The following OSBP2 variants were observed in gnomAD, a reference collection of about 807,000 sequenced individuals.
OSBP2 encodes the protein oxysterol-binding protein 2.
Under a neutral mutation model 96.0 loss-of-function variants are expected in OSBP2, and 66 were observed. The observed-to-expected ratio is 0.69, with a 90% confidence interval of 0.56 to 0.84. The LOEUF is 0.84. Ranked by LOEUF, OSBP2 falls within the 40% of genes least tolerant of loss-of-function variation. The pLI is 0.00. For synonymous variants in OSBP2, 525 were observed against 520.9 expected (o/e 1.01, Z -0.11); for missense variants, 1,038 against 1,222.7 (o/e 0.85, Z 2.25).
At chr22:30,840,315 A>C (rs2038724665) in intron 2 of OSBP2, among the ~76,000 whole-genome samples, 1 of 151,110 alleles carries the variant, frequency 6.6e-6, no homozygotes, top group Non-Finnish European at 1.5e-5. Flanking sequence ...TAAAAAAAAA[A>C]AGAAAAAGGA....
intron 2 of OSBP2, among the ~76,000 whole-genome samples, chr22:30,834,572 G>T (rs1206919067): frequency 6.6e-6 from 1 of 152,098 alleles, no homozygotes; most frequent in East Asian, 1.9e-4. Flanking sequence ...TTATTTCATG[G>T]TGGTTTTGTT....
intron 2 of OSBP2, among the ~76,000 whole-genome samples, chr22:30,782,876 A>G (rs925601149): frequency 1.3e-5 from 2 of 152,192 alleles, no homozygotes; most frequent in Non-Finnish European, 2.9e-5. Flanking sequence ...TGACATTCCC[A>G]TAAGCAGTGT....
Position 30,695,169 on chromosome 22 carries a change from C to A in OSBP2, c.260C>A (p.Thr87Lys), listed in dbSNP as rs765817634. 6.2e-7 allele frequency: 1 copy of A among 1,611,448 alleles called. No individual in the cohort carries two copies. The highest frequency in any genetic ancestry group is 1.1e-5 in the South Asian group (1 of 90,798). The change falls in exon 1 of 14, where the codon ACG becomes AAG. Residue 87 changes from threonine (T) to lysine (K), a missense_variant. By Grantham distance (78) the Thr-to-Lys change is moderately conservative (BLOSUM62 -1). Transcript: ENST00000332585. ...VPRSEPVSETTSEPEPGAGQP... is the reference protein window; with the variant it reads ...VPRSEPVSETKSEPEPGAGQP... ...AGATCGGAACCTGTGTCCGAGACGA[C>A]GTCTGAGCCGGAGCCAGGGGCTGGG...
chr22:30,711,660 A>C (rs574586059), intron 1 of OSBP2, among the ~76,000 whole-genome samples: 1 of 150,404 alleles, frequency 6.6e-6, no homozygotes, highest in African/African-American at 2.4e-5. Context: ...GGGTCACTCG[A>C]GCCTGGGAGG....
chr22:30,752,615 C>T (rs147325488), intron 2 of OSBP2, among the ~76,000 whole-genome samples: 1 of 151,882 alleles, frequency 6.6e-6, no homozygotes, highest in Admixed American at 6.6e-5. Flanking sequence ...GCAGATGAAG[C>T]CTCCAAGTAG....
chr22:30,764,187 A>T lies in OSBP2; in HGVS notation c.853+22818A>T, dbSNP rs926564030. ...GGCTCGCCTACCCTCCATTGATGTC[A>T]TAACTCTATTCTGATATCACAGCCC... On this transcript the variant is annotated intron_variant, in intron 2 of 13. Coordinates refer to ENST00000332585, the MANE Select transcript of OSBP2 (RefSeq NM_030758.4). 5.2e-6 allele frequency: 5 copies of T among 969,840 alleles called. No homozygotes were observed. The African/African-American group carries it at 8.8e-5, about 17-fold the overall frequency. 60.1% of individuals were successfully genotyped at this position (969,840 alleles called of 1,614,324 possible).
intron 2 of OSBP2, among the ~76,000 whole-genome samples, chr22:30,832,583 C>CA (rs1475997615): frequency 6.6e-6 from 1 of 152,168 alleles, no homozygotes; most frequent in Non-Finnish European, 1.5e-5. Flanking sequence ...TTGTATTGTG[C>CA]AAAGCAGGTA....
chr22:30,822,460 T>A, intron 2 of OSBP2: 4 of 1,247,972 alleles, frequency 3.2e-6, no homozygotes, highest in Non-Finnish European at 4.1e-6. Context: ...AACGCGCTCA[T>A]GTACCGGGTG....
chr22:30,783,975 G>C (rs553125422), intron 2 of OSBP2, among the ~76,000 whole-genome samples: 1 of 152,202 alleles, frequency 6.6e-6, no homozygotes, highest in Middle Eastern at 3.2e-3. Context: ...TGTATCTGCA[G>C]AATGATTGTT....
chr22:30,817,356 T>A (rs928323025), intron 2 of OSBP2, among the ~76,000 whole-genome samples: 2 of 152,162 alleles, frequency 1.3e-5, no homozygotes, highest in Non-Finnish European at 2.9e-5. Flanking sequence ...CAGCCCCTCA[T>A]TAGTGATGAG....
At position 30,767,313 on chromosome 22, in the gene OSBP2, T is replaced by TA. The variant is rs550206119; in HGVS notation, c.853+25956dup. On this transcript the variant is annotated intron_variant, in intron 2 of 13. Coordinates refer to ENST00000332585, the MANE Select transcript of OSBP2 (RefSeq NM_030758.4). The stretch of plus-strand genomic sequence containing the variant: ...CAACAGAGCAAGACTTTCTCTCTCT[T>TA]AAAAAAAAAAAATGTTGTTATACAA... Among the ~76,000 whole-genome samples the TA allele has an allele frequency of 2.0e-3, 288 of 143,478 alleles. 2 individuals are homozygous for TA. The highest frequency in any genetic ancestry group is 4.6e-3 in the African/African-American group (180 of 39,252). The allele number at this position is 143,478 out of a possible 152,430, so 94.1% of individuals were successfully genotyped here.
intron 2 of OSBP2, among the ~76,000 whole-genome samples, chr22:30,769,626 G>T (rs566799187): frequency 6.6e-6 from 1 of 152,068 alleles, no homozygotes; most frequent in Non-Finnish European, 1.5e-5. Flanking sequence ...TCCAGCCTGG[G>T]AAACAGAGAG....
At chr22:30,777,616 T>A (rs1489213883) in intron 2 of OSBP2, among the ~76,000 whole-genome samples, 1 of 152,210 alleles carries the variant, frequency 6.6e-6, no homozygotes, top group Non-Finnish European at 1.5e-5. Context: ...CTGGTCACAC[T>A]GGACTGAGGG....
chr22:30,810,782 TC>T, intron 2 of OSBP2, among the ~76,000 whole-genome samples: 1 of 152,182 alleles, frequency 6.6e-6, no homozygotes, highest in Non-Finnish European at 1.5e-5. Context: ...GCCAGGTTGG[TC>T]TGTGTGCACT....
chr22:30,741,375 G>T lies in OSBP2; in HGVS notation c.853+6G>T. 1 of 1,600,476 alleles carries T rather than the reference G, an allele frequency of 6.2e-7. No homozygotes were observed. Among genetic ancestry groups the T allele is most frequent in the South Asian group, 1.1e-5 (1 of 90,556 alleles). On this transcript the variant is annotated splice_donor_region_variant and intron_variant, in intron 2 of 13. Transcript: ENST00000332585. ...CGTGATGAACACTCATTCAGGTAGTGAGCACTTGGGACAGCGGGTGTGTAT... is the reference window on the plus strand; with the variant it reads ...CGTGATGAACACTCATTCAGGTAGTTAGCACTTGGGACAGCGGGTGTGTAT...
At chr22:30,749,752 C>A (rs540277575) in intron 2 of OSBP2, among the ~76,000 whole-genome samples, 18 of 152,294 alleles carry the variant, frequency 1.2e-4, no homozygotes, top group African/African-American at 4.3e-4. Context: ...AGATTACAGG[C>A]ATGCGCCACC....
chr22:30,842,156 A>C (rs764599821), intron 2 of OSBP2, among the ~76,000 whole-genome samples: 1 of 152,174 alleles, frequency 6.6e-6, no homozygotes, highest in Non-Finnish European at 1.5e-5. Context: ...CGTGTCACCC[A>C]GGCTGGTCTC....
Position 30,719,201 on chromosome 22 carries a change from C to T in OSBP2, c.645-21960C>T, listed in dbSNP as rs1005412417. Among the ~76,000 whole-genome samples the T allele has an allele frequency of 1.4e-4, 22 of 151,996 alleles. 1 individual carries two copies. Among genetic ancestry groups the T allele is most frequent in the Admixed American group, 8.5e-4 (13 of 15,260 alleles). ...TTCAGGCTGCTGCCCTCCTCACTCCCCTTCTCTTTCAGCCTTAGTTTGTGC... is the reference window on the plus strand; with the variant it reads ...TTCAGGCTGCTGCCCTCCTCACTCCTCTTCTCTTTCAGCCTTAGTTTGTGC... On this transcript the variant is annotated intron_variant, in intron 1 of 13. Coordinates refer to ENST00000332585, the MANE Select transcript of OSBP2 (RefSeq NM_030758.4).
At chr22:30,811,134 T>C (rs1401914510) in intron 2 of OSBP2, among the ~76,000 whole-genome samples, 1 of 149,998 alleles carries the variant, frequency 6.7e-6, no homozygotes, top group Non-Finnish European at 1.5e-5. Flanking sequence ...TCTTTTCCCA[T>C]GCATTTACAA....
Sources: allele counts gnomAD v4.1 joint callset (sites outside exome capture counted in the v4.1 genomes callset), GRCh38; gene constraint gnomAD v4.1.1; transcripts MANE v1.5; gene names NCBI Gene and HGNC (gene_info 2026-07-23, HGNC 2026-07-21).